Variants in LRRC37A2 observed in about 807,000 individuals in gnomAD.
LRRC37A2 encodes the protein leucine-rich repeat-containing protein 37A2.
A neutral mutation model predicts 68.8 loss-of-function variants in LRRC37A2; 9 were observed. The ratio of observed to expected loss-of-function variants is 0.13; its 90% confidence interval spans 0.08 to 0.23. The LOEUF is 0.23. Among genes scored for constraint, LRRC37A2 ranks in the 10% least tolerant of loss-of-function variants. LRRC37A2 has a pLI of 1.00. For synonymous variants in LRRC37A2, 63 were observed against 367.6 expected (o/e 0.17, Z 9.48); for missense variants, 168 against 950.4 (o/e 0.18, Z 10.82).
chr17:46,922,090 C>A, the LRRC37A2 span, among the ~76,000 whole-genome samples: 1 of 152,308 alleles, frequency 6.6e-6, no homozygotes, highest in Admixed American at 6.5e-5. Flanking sequence ...ACCCAAATGT[C>A]CAACAATGAC....
the LRRC37A2 span, among the ~76,000 whole-genome samples, chr17:46,862,889 G>A: frequency 2.0e-5 from 3 of 152,174 alleles, no homozygotes; most frequent in Non-Finnish European, 4.4e-5. Flanking sequence ...CCAGGCCTAA[G>A]CTGAGTTTTA....
chr17:46,790,948 C>G, the LRRC37A2 span, among the ~76,000 whole-genome samples: 1 of 152,216 alleles, frequency 6.6e-6, no homozygotes, highest in Non-Finnish European at 1.5e-5. Flanking sequence ...ATCTGGAACC[C>G]CCTGCCCAGG....
chr17:46,863,123 G>GT, the LRRC37A2 span, among the ~76,000 whole-genome samples: 1 of 152,112 alleles, frequency 6.6e-6, no homozygotes, highest in Non-Finnish European at 1.5e-5. Context: ...GGAGGGCGTG[G>GT]CACAGGCAGC....
chr17:47,003,559 T>C, the LRRC37A2 span, among the ~76,000 whole-genome samples: 1 of 152,218 alleles, frequency 6.6e-6, no homozygotes, highest in South Asian at 2.1e-4. Context: ...AAGATGGACA[T>C]GGGCAGATTT....
the LRRC37A2 span, among the ~76,000 whole-genome samples, chr17:46,804,051 C>T: frequency 6.6e-6 from 1 of 151,878 alleles, no homozygotes. Context: ...GCATATTTGT[C>T]TTCTCCTTGA....
the LRRC37A2 span, among the ~76,000 whole-genome samples, chr17:46,722,944 G>A: frequency 2.6e-5 from 4 of 152,144 alleles, no homozygotes; most frequent in African/African-American, 9.7e-5. Flanking sequence ...CACAGAGACC[G>A]ACTGCAAAAA....
the LRRC37A2 span, among the ~76,000 whole-genome samples, chr17:46,799,037 A>G: frequency 1.1e-3 from 139 of 124,978 alleles, no homozygotes; most frequent in Non-Finnish European, 1.9e-3. Flanking sequence ...ACAGAGCAAG[A>G]CTCCGTCTCA....
chr17:46,967,233 T>G, the LRRC37A2 span, among the ~76,000 whole-genome samples: 1 of 152,242 alleles, frequency 6.6e-6, no homozygotes, highest in South Asian at 2.1e-4. Context: ...GACACCAGTC[T>G]GCCTGGGTTT....
the LRRC37A2 span, among the ~76,000 whole-genome samples, chr17:46,784,806 C>G: frequency 2.0e-5 from 3 of 149,344 alleles, no homozygotes; most frequent in African/African-American, 4.9e-5. Flanking sequence ...GATGGAGTCT[C>G]GCTCTGTCGC....
the LRRC37A2 span, among the ~76,000 whole-genome samples, chr17:46,731,168 G>A: frequency 6.6e-6 from 1 of 152,038 alleles, no homozygotes; most frequent in African/African-American, 2.4e-5. Context: ...ATAAAAAAAA[G>A]TAGTACCATT....
the LRRC37A2 span, among the ~76,000 whole-genome samples, chr17:47,036,362 A>C: frequency 6.6e-6 from 1 of 152,052 alleles, no homozygotes. Flanking sequence ...CAAAAGACAA[A>C]ATTGTTTTAA....
the LRRC37A2 span, chr17:47,034,932 A>G: frequency 6.6e-6 from 1 of 152,120 alleles, no homozygotes; most frequent in African/African-American, 2.4e-5. Flanking sequence ...CTTATTGAAT[A>G]TTAGTGTTAC....
chr17:46,890,070 C>A, the LRRC37A2 span, among the ~76,000 whole-genome samples: 61 of 152,208 alleles, frequency 4.0e-4, no homozygotes, highest in African/African-American at 1.4e-3. Context: ...GCATCTCCAC[C>A]CCTGAGGCCC....
the LRRC37A2 span, among the ~76,000 whole-genome samples, chr17:46,807,374 TG>T: frequency 6.6e-6 from 1 of 152,178 alleles, no homozygotes; most frequent in Admixed American, 6.5e-5. Flanking sequence ...CCCAGGTACT[TG>T]GGAGGCTGAG....
chr17:46,745,542 T>C, the LRRC37A2 span, among the ~76,000 whole-genome samples: 1 of 152,194 alleles, frequency 6.6e-6, no homozygotes, highest in South Asian at 2.1e-4. Flanking sequence ...ATGAGGAAAC[T>C]GGCAGCGATT....
chr17:46,794,378 A>C, the LRRC37A2 span, among the ~76,000 whole-genome samples: 1 of 152,182 alleles, frequency 6.6e-6, no homozygotes, highest in Non-Finnish European at 1.5e-5. Flanking sequence ...CCCAGGCCCT[A>C]TATGCAGGCT....
the LRRC37A2 span, among the ~76,000 whole-genome samples, chr17:46,895,899 G>T: frequency 6.6e-6 from 1 of 152,144 alleles, no homozygotes. Context: ...CCTGATCTGA[G>T]CTTGAGGGGT....
chr17:46,931,511 A>G, the LRRC37A2 span: 7 of 443,822 alleles, frequency 1.6e-5, no homozygotes, highest in South Asian at 2.6e-5. Context: ...TAATGTTGCC[A>G]TGGAGTTTTG....
chr17:47,009,834 T>C, the LRRC37A2 span, among the ~76,000 whole-genome samples: 1 of 152,262 alleles, frequency 6.6e-6, no homozygotes. Flanking sequence ...GCTGCCGCGC[T>C]GTTTCGGAGG....
Sources: gnomAD v4.1 joint callset for allele counts (sites outside exome capture counted in the v4.1 genomes callset) on GRCh38, gnomAD v4.1.1 for gene constraint, MANE v1.5 for transcripts, NCBI Gene and HGNC (gene_info 2026-07-23, HGNC 2026-07-21) for gene names.